The following EYA1 variants were observed in gnomAD, a reference collection of about 807,000 sequenced individuals.
EYA1 encodes protein phosphatase EYA1.
EYA1 carries 16 observed loss-of-function variants against 82.0 expected under a neutral mutation model. That is an observed-to-expected ratio of 0.20 (90% confidence interval 0.13 to 0.30). EYA1 has a LOEUF of 0.30. EYA1 is among the 10% of genes least tolerant of loss of function. The pLI is 1.00. For missense variants in EYA1, 633 were observed against 730.7 expected (o/e 0.87, Z 1.54); for synonymous variants, 261 against 264.4 (o/e 0.99, Z 0.12).
chr8:71,522,919 T>G (rs916096946), intron 2 of EYA1, among the ~76,000 whole-genome samples: 1 of 152,196 alleles, frequency 6.6e-6, no homozygotes, highest in African/African-American at 2.4e-5. Context: ...CTCAAGCGTT[T>G]TGGCAACAAC....
At chr8:71,288,980 C>T (rs1818708359) in intron 9 of EYA1, among the ~76,000 whole-genome samples, 1 of 152,224 alleles carries the variant, frequency 6.6e-6, no homozygotes, top group East Asian at 1.9e-4. Context: ...TCCCCACCTT[C>T]ACTTTAAAAC....
intron 2 of EYA1, among the ~76,000 whole-genome samples, chr8:71,500,934 A>G (rs1162176998): frequency 6.6e-6 from 1 of 152,180 alleles, no homozygotes. Flanking sequence ...CTAGATGTTT[A>G]TTGGTGTGAT....
chr8:71,257,822 A>C (rs553131867), intron 11 of EYA1, among the ~76,000 whole-genome samples: 1 of 152,356 alleles, frequency 6.6e-6, no homozygotes, highest in East Asian at 1.9e-4. Context: ...TAAGAAGAGC[A>C]GTAACCCTAG....
intron 4 of EYA1, among the ~76,000 whole-genome samples, chr8:71,324,916 T>A (rs995193196): frequency 5.3e-5 from 8 of 152,324 alleles, no homozygotes; most frequent in Admixed American, 5.2e-4. Flanking sequence ...CCTGGACTAC[T>A]GCAACAGTTA....
intron 2 of EYA1, among the ~76,000 whole-genome samples, chr8:71,472,845 A>G (rs1349284028): frequency 1.4e-5 from 2 of 148,068 alleles, no homozygotes; most frequent in African/African-American, 4.9e-5. Context: ...ATATATTTAT[A>G]TTTATGTTTA....
At chr8:71,447,268 C>T (rs1486089127) in intron 2 of EYA1, among the ~76,000 whole-genome samples, 1 of 152,048 alleles carries the variant, frequency 6.6e-6, no homozygotes, top group East Asian at 1.9e-4. Flanking sequence ...TACTAAATGG[C>T]TACCTATCAC....
chr8:71,520,633 G>A (rs137927117), intron 2 of EYA1, among the ~76,000 whole-genome samples: 5 of 152,182 alleles, frequency 3.3e-5, no homozygotes, highest in Non-Finnish European at 5.9e-5. Flanking sequence ...ACACCTCTGA[G>A]AAAGAGATGA....
intron 2 of EYA1, among the ~76,000 whole-genome samples, chr8:71,508,842 G>A (rs562084368): frequency 6.6e-6 from 1 of 152,202 alleles, no homozygotes; most frequent in East Asian, 1.9e-4. Context: ...GTCATCCAGA[G>A]AAAAGAGATT....
chr8:71,256,935 G>T (rs1586033214), intron 11 of EYA1, among the ~76,000 whole-genome samples: 1 of 151,818 alleles, frequency 6.6e-6, no homozygotes, highest in South Asian at 2.1e-4. Flanking sequence ...GGAGACGGAG[G>T]TTGCAGTGAG....
At chr8:71,216,570 A>C (rs1450989503) in intron 14 of EYA1, 122 bp downstream of exon 14, 1 of 1,021,966 alleles carries the variant, frequency 9.8e-7, no homozygotes, top group Non-Finnish European at 1.5e-6. Flanking sequence ...ATGGCCAGTG[A>C]GATGAAACTG....
intron 11 of EYA1, among the ~76,000 whole-genome samples, chr8:71,253,161 G>T (rs542871053): frequency 1.3e-5 from 2 of 152,278 alleles, no homozygotes; most frequent in South Asian, 4.1e-4. Flanking sequence ...GGATAAATTT[G>T]TGAAAGCACT....
At chr8:71,437,408 C>A (rs551828441) in intron 2 of EYA1, among the ~76,000 whole-genome samples, 2 of 151,866 alleles carry the variant, frequency 1.3e-5, no homozygotes, top group Admixed American at 1.3e-4. Flanking sequence ...AACCAGGAAC[C>A]CAAAGATCAG....
chr8:71,471,087 TG>T, intron 2 of EYA1, among the ~76,000 whole-genome samples: 2 of 152,160 alleles, frequency 1.3e-5, no homozygotes, highest in East Asian at 3.9e-4. Flanking sequence ...TTATATTTGG[TG>T]GTCCTGTTTC....
intron 2 of EYA1, among the ~76,000 whole-genome samples, chr8:71,406,667 G>T (rs551860767): frequency 8.1e-4 from 124 of 152,304 alleles, no homozygotes; most frequent in Middle Eastern, 6.8e-3. Flanking sequence ...TTTTCAGACT[G>T]GCTTAAAAAA....
At chr8:71,433,914 C>T (rs186541975) in intron 2 of EYA1, among the ~76,000 whole-genome samples, 22 of 152,274 alleles carry the variant, frequency 1.4e-4, no homozygotes, top group South Asian at 1.0e-3. Flanking sequence ...ATTCAGCTAA[C>T]GCAGATGGAG....
Position 71,361,904 on chromosome 8 carries a change from C to G in EYA1, c.-312G>C. The G allele has an allele frequency of 1.0e-6, 1 of 985,438 alleles. No individual in the cohort carries two copies. The highest frequency in any genetic ancestry group is 1.2e-6 in the Non-Finnish European group (1 of 829,970). The allele number at this position is 985,438 out of a possible 1,614,324, so 61.0% of individuals were successfully genotyped here. On this transcript the variant is annotated 5_prime_UTR_variant, in exon 1 of 18. Transcript: ENST00000340726. ...CGAAAACGTGTTCCCCAGGAAGAAA[C>G]CCGCCACAGTGGACGGCAACAGGAA...
chr8:71,538,118 C>T (rs1814856571), intron 1 of EYA1, among the ~76,000 whole-genome samples: 1 of 152,162 alleles, frequency 6.6e-6, no homozygotes, highest in African/African-American at 2.4e-5. Context: ...CAATCCAAAC[C>T]ATGAAATATA....
At chr8:71,368,245 A>G (rs1586564563) in intron 2 of EYA1, among the ~76,000 whole-genome samples, 1 of 147,822 alleles carries the variant, frequency 6.8e-6, no homozygotes, top group South Asian at 2.2e-4. Context: ...TTGTTTTTTT[A>G]ATCAATACAA....
Position 71,432,245 on chromosome 8 carries a change from G to T in EYA1, c.34-75734C>A, listed in dbSNP as rs548032912. On this transcript the variant is annotated intron_variant, in intron 2 of 18. Coordinates refer to the EYA1 transcript ENST00000643681. ...AATGCTCTACACAAGGATGTAAAGG[G>T]TCACAATAAACAATTGCATTTTAGA... 2.2e-4 allele frequency among the ~76,000 whole-genome samples: 33 copies of T among 152,302 alleles called. No individual in the cohort carries two copies. The South Asian group carries it at 6.6e-3, about 31-fold the overall frequency.
Sources: allele counts gnomAD v4.1 joint callset (sites outside exome capture counted in the v4.1 genomes callset), GRCh38; gene constraint gnomAD v4.1.1; transcripts MANE v1.5; gene names NCBI Gene and HGNC (gene_info 2026-07-23, HGNC 2026-07-21).